SH3D19: variants seen among roughly 807,000 people sequenced by gnomAD.
SH3D19 encodes the protein SH3 domain containing 19.
SH3D19 carries 58 observed loss-of-function variants against 112.1 expected under a neutral mutation model. The observed-to-expected ratio is 0.52, with a 90% CI of 0.42 to 0.64. The LOEUF (loss-of-function observed/expected upper bound fraction) is 0.64, where lower values mean the gene tolerates loss of function less well. SH3D19 is among the 30% of genes least tolerant of loss of function. SH3D19 has a pLI of 0.00. For missense variants in SH3D19, 1,090 were observed against 1,263.4 expected, an observed-to-expected ratio of 0.86 and a Z score of 2.08; for synonymous variants, 391 against 448.5, an observed-to-expected ratio of 0.87 and a Z score of 1.62.
intron 1 of SH3D19, among the ~76,000 whole-genome samples, chr4:151,251,198 C>CTTTTTTTTTTTT (rs11368412): frequency 7.0e-6 from 1 of 142,570 alleles, no homozygotes. Context: ...TCTTTTTTTC[C>CTTTTTTTTTTTT]TTTTTTTTTT....
intron 1 of SH3D19, among the ~76,000 whole-genome samples, chr4:151,262,117 C>A (rs1772422388): frequency 6.6e-6 from 1 of 152,202 alleles, no homozygotes; most frequent in African/African-American, 2.4e-5. Context: ...TGAACAGGAG[C>A]CAACTGCCCA....
chr4:151,189,207 G>A (rs978640331), intron 2 of SH3D19, among the ~76,000 whole-genome samples: 4 of 151,272 alleles, frequency 2.6e-5, no homozygotes, highest in Non-Finnish European at 5.9e-5. Context: ...TCTGCCTCCC[G>A]GGTTCACACC....
At chr4:151,147,808 C>A (rs552541246) in intron 11 of SH3D19, 114 bp downstream of exon 11, 2 of 1,350,056 alleles carry the variant, frequency 1.5e-6, no homozygotes, top group Non-Finnish European at 2.0e-6. Context: ...GCACTCTTGG[C>A]GTCAAGGGAC....
intron 12 of SH3D19, among the ~76,000 whole-genome samples, chr4:151,141,279 C>A (rs547147528): frequency 1.3e-5 from 2 of 152,094 alleles, no homozygotes; most frequent in Admixed American, 1.3e-4. Context: ...ACAAGCACTA[C>A]CATGCCTGGC....
intron 1 of SH3D19, among the ~76,000 whole-genome samples, chr4:151,290,278 T>C (rs1401798560): frequency 6.6e-6 from 1 of 152,050 alleles, no homozygotes; most frequent in Non-Finnish European, 1.5e-5. Context: ...ATAGCCCAAA[T>C]AATGGAAGCA....
Position 151,264,427 on chromosome 4 carries a change from C to CAAA in SH3D19, c.113-38344_113-38342dup, listed in dbSNP as rs34271780. ...TGGGCAACAGAGTGAGACTCTGTCT[C>CAAA]AAAAAAAAAAAAAAAAACCAAACAA... On this transcript the variant is annotated intron_variant, in intron 1 of 19. Coordinates refer to ENST00000604030, the MANE Select transcript of SH3D19 (RefSeq NM_001378122.1). Among the ~76,000 whole-genome samples, 548 of 105,456 alleles carry CAAA rather than the reference C, an allele frequency of 5.2e-3. 19 individuals are homozygous for CAAA. The highest frequency in any genetic ancestry group is 0.032 in the Admixed American group (283 of 8,786). 69.2% of individuals were successfully genotyped at this position (105,456 alleles called of 152,430 possible).
In SH3D19 at chr4:151,296,134, A is replaced by C. The variant is rs115885083; in HGVS notation, c.112+29107T>G. ...TAAAAAAATTAACAGGGAATAGGTA[A>C]ACTGTATGGTATGCGATTTATAACT... On this transcript the variant is annotated intron_variant, in intron 1 of 19. Coordinates refer to ENST00000604030, the MANE Select transcript of SH3D19 (RefSeq NM_001378122.1). Among the ~76,000 whole-genome samples, 789 of 152,286 alleles carry C rather than the reference A, an allele frequency of 5.2e-3. 7 individuals carry two copies. Among genetic ancestry groups the C allele is most frequent in the South Asian group, 0.014 (66 of 4,820 alleles).
At chr4:151,275,676 T>C (rs1170884847) in intron 1 of SH3D19, among the ~76,000 whole-genome samples, 2 of 150,338 alleles carry the variant, frequency 1.3e-5, no homozygotes, top group African/African-American at 4.9e-5. Context: ...TGCACATCAC[T>C]ACACCAGGCT....
At chr4:151,278,948 A>AT (rs1187507126) in intron 1 of SH3D19, 4 of 206,606 alleles carry the variant, frequency 1.9e-5, no homozygotes, top group Non-Finnish European at 4.0e-5. Flanking sequence ...TACCACTTTC[A>AT]TTTGTCTATT....
intron 1 of SH3D19, among the ~76,000 whole-genome samples, chr4:151,264,769 T>C (rs767458082): frequency 9.9e-5 from 15 of 152,150 alleles, no homozygotes; most frequent in Non-Finnish European, 2.1e-4. Context: ...ATATGAAAAA[T>C]ATGCTGCCTT....
At chr4:151,268,657 T>G (rs1179376814) in intron 1 of SH3D19, among the ~76,000 whole-genome samples, 5 of 139,560 alleles carry the variant, frequency 3.6e-5, no homozygotes, top group African/African-American at 8.1e-5. Flanking sequence ...GTTCTCATTG[T>G]TCAATTCCCA....
At chr4:151,181,574 T>G (rs72965694) in intron 3 of SH3D19, 169 of 152,322 alleles carry the variant, frequency 1.1e-3, no homozygotes, top group African/African-American at 4.0e-3. Context: ...AAGAATGGTT[T>G]CATTAAGTCA....
At chr4:151,134,846 T>C in intron 15 of SH3D19, among the ~76,000 whole-genome samples, 1 of 152,292 alleles carries the variant, frequency 6.6e-6, no homozygotes. Context: ...GTGTTTTCTT[T>C]TAAAATAAAG....
chr4:151,181,782 A>G (rs557116516), intron 3 of SH3D19: 1 of 152,360 alleles, frequency 6.6e-6, no homozygotes, highest in South Asian at 2.1e-4. Flanking sequence ...GAAAAGAGTG[A>G]ACCTAGTTGC....
intron 2 of SH3D19, among the ~76,000 whole-genome samples, chr4:151,197,942 A>T (rs1392213841): frequency 6.6e-6 from 1 of 152,200 alleles, no homozygotes; most frequent in Non-Finnish European, 1.5e-5. Context: ...AATGTTATTA[A>T]TAAAATACAT....
chr4:151,159,560 G>A (rs1317898559), intron 8 of SH3D19, among the ~76,000 whole-genome samples: 1 of 152,166 alleles, frequency 6.6e-6, no homozygotes, highest in East Asian at 1.9e-4. Flanking sequence ...TTTATAGAGA[G>A]TGAAAATAAT....
Position 151,174,835 on chromosome 4 carries a change from T to C in SH3D19, c.1369A>G (p.Lys457Glu). 1 of 1,584,814 alleles carries C rather than the reference T, an allele frequency of 6.3e-7. No homozygotes were observed. Among genetic ancestry groups the C allele is most frequent in the Non-Finnish European group, 8.6e-7 (1 of 1,166,190 alleles). The change falls in exon 7 of 20, where the codon AAA (lysine) becomes GAA (glutamate). Residue 457 changes from lysine (K) to glutamate (E), a missense_variant. Physicochemically the swap from Lys to Glu is moderately conservative, Grantham distance 56 (BLOSUM62 1). Transcript: ENST00000604030. ...CCTTCTCCCAGTGACTTGTATGCTT[T>C]GGCTTGTGATGCCCCTGCGAGTCGG... Reference protein sequence around the residue: ...PPRLAGASQAKAYKSLGEGPP... With the variant: ...PPRLAGASQAEAYKSLGEGPP...
At chr4:151,217,077 T>A (rs4616734) in intron 2 of SH3D19, among the ~76,000 whole-genome samples, 124,352 of 152,132 alleles carry the variant, frequency 0.82, 52,879 homozygotes, top group Non-Finnish European at 0.95. Flanking sequence ...TTTCTCTTAT[T>A]GCTTAGAAAA....
intron 7 of SH3D19, among the ~76,000 whole-genome samples, chr4:151,167,301 T>C (rs771975988): frequency 5.9e-5 from 9 of 151,864 alleles, no homozygotes; most frequent in African/African-American, 9.7e-5. Flanking sequence ...ATAACAAATA[T>C]ATAACAAGTA....
Sources: gnomAD v4.1 joint callset for allele counts (sites outside exome capture counted in the v4.1 genomes callset) on GRCh38, gnomAD v4.1.1 for gene constraint, MANE v1.5 for transcripts, NCBI Gene and HGNC (gene_info 2026-07-23, HGNC 2026-07-21) for gene names.